Variants in CHM observed in about 807,000 individuals in gnomAD.
CHM encodes the protein CHM Rab escort protein, also known as rab proteins geranylgeranyltransferase component A 1.
Under a neutral mutation model 49.0 loss-of-function variants are expected in CHM, and 10 were observed. That is an observed-to-expected ratio of 0.20 (90% CI 0.13 to 0.35). The LOEUF is 0.35. Ranked by LOEUF, CHM falls within the 10% of genes least tolerant of loss-of-function variation. The pLI is 1.00. For missense variants in CHM, 455 were observed against 478.4 expected, an observed-to-expected ratio of 0.95 and a Z score of 0.46; for synonymous variants, 184 against 167.5, an observed-to-expected ratio of 1.10 and a Z score of -0.76.
intron 1 of CHM, among the ~76,000 whole-genome samples, chrX:86,040,225 C>T (rs900923762): frequency 8.9e-5 from 10 of 112,194 alleles, no homozygotes; most frequent in African/African-American, 2.9e-4. Flanking sequence ...GCAGGCACCA[C>T]CCCCGGAGAT....
intron 1 of CHM, among the ~76,000 whole-genome samples, chrX:86,040,513 G>C (rs1224963434): frequency 1.8e-5 from 2 of 112,295 alleles, no homozygotes; most frequent in African/African-American, 3.2e-5. Flanking sequence ...TCCCATGAAG[G>C]GGTCAGGAAA....
intron 14 of CHM, among the ~76,000 whole-genome samples, chrX:85,869,530 ACT>A (rs1391411556): frequency 3.7e-5 from 4 of 109,022 alleles, no homozygotes; most frequent in Non-Finnish European, 7.6e-5. Context: ...TTGTCACACC[ACT>A]CTTTCTTGTG....
Position 86,047,466 on chromosome X carries a change from G to A in CHM, c.49+18C>T. The A allele has an allele frequency of 8.3e-7, 1 of 1,201,091 alleles. No individual in the cohort carries two copies. Among genetic ancestry groups the A allele is most frequent in the East Asian group, 3.0e-5 (1 of 33,765 alleles). ...AGTCTTCCTAAACTTTGTCCAGGAA[G>A]CACCAGGCTACACATACCCGTCCCT... On this transcript the variant is annotated intron_variant, in intron 1 of 14. Coordinates refer to ENST00000357749, the MANE Select transcript of CHM (RefSeq NM_000390.4).
At position 85,971,798 on chromosome X, in the gene CHM, T is replaced by A. The variant is rs186554094; in HGVS notation, c.314+6969A>T. Among the ~76,000 whole-genome samples, 400 of 110,672 alleles carry A rather than the reference T, an allele frequency of 3.6e-3. 1 individual carries two copies. The highest frequency in any genetic ancestry group is 0.012 in the African/African-American group (353 of 30,361). On this transcript the variant is annotated intron_variant, in intron 4 of 14. Coordinates refer to ENST00000357749, the MANE Select transcript of CHM (RefSeq NM_000390.4). ...GTGCGTTTACAATCCCTGAGCTAGA[T>A]ATAAAGGTTCTCCACATCCCCATCA...
chrX:85,935,253 T>C (rs1011739724), intron 8 of CHM, among the ~76,000 whole-genome samples: 2 of 111,343 alleles, frequency 1.8e-5, no homozygotes, highest in Non-Finnish European at 3.8e-5. Context: ...AGAACTCACT[T>C]ACGACCTCAA....
chrX:85,926,770 T>C (rs753233761), intron 8 of CHM, among the ~76,000 whole-genome samples: 2 of 111,483 alleles, frequency 1.8e-5, no homozygotes, highest in Non-Finnish European at 3.8e-5. Context: ...TCTGGCCTCA[T>C]TTGTAATACT....
At chrX:85,939,162 G>T (rs1435556476) in intron 8 of CHM, among the ~76,000 whole-genome samples, 1 of 111,917 alleles carries the variant, frequency 8.9e-6, no homozygotes. Flanking sequence ...CTAGGTTTGT[G>T]TAAGAACACT....
chrX:85,971,599 C>G (rs1007051562), intron 4 of CHM: 4 of 293,215 alleles, frequency 1.4e-5, no homozygotes, highest in African/African-American at 2.8e-5. Context: ...AAAGACCGAG[C>G]AGCAGCAAGA....
At chrX:86,012,571 A>G (rs187426617) in intron 2 of CHM, among the ~76,000 whole-genome samples, 1 of 111,980 alleles carries the variant, frequency 8.9e-6, no homozygotes, top group Non-Finnish European at 1.9e-5. Flanking sequence ...AGGTCCATAA[A>G]TAGCCCTAAG....
intron 2 of CHM, among the ~76,000 whole-genome samples, chrX:86,002,329 T>G (rs1932757814): frequency 9.4e-6 from 1 of 106,721 alleles, no homozygotes; most frequent in South Asian, 4.0e-4. Flanking sequence ...CAAAATATTT[T>G]CAGTTATTGT....
intron 8 of CHM, among the ~76,000 whole-genome samples, chrX:85,953,413 A>T (rs2147658619): frequency 8.9e-6 from 1 of 111,814 alleles, no homozygotes; most frequent in South Asian, 3.7e-4. Context: ...TCAGAGAAAT[A>T]AAAAAAATCC....
intron 8 of CHM, among the ~76,000 whole-genome samples, chrX:85,918,546 A>G (rs1002191376): frequency 8.9e-6 from 1 of 111,733 alleles, no homozygotes; most frequent in Non-Finnish European, 1.9e-5. Flanking sequence ...AAATCTTCAC[A>G]TATCAATACT....
chrX:85,988,511 G>A (rs1328208842), intron 2 of CHM, among the ~76,000 whole-genome samples: 1 of 111,525 alleles, frequency 9.0e-6, no homozygotes, highest in East Asian at 2.8e-4. Flanking sequence ...AGATCAATTA[G>A]GCAAGAGAAA....
At chrX:86,002,494 G>A (rs745560875) in intron 2 of CHM, among the ~76,000 whole-genome samples, 9 of 112,372 alleles carry the variant, frequency 8.0e-5, no homozygotes, top group Non-Finnish European at 1.7e-4. Flanking sequence ...CAACGCAGAA[G>A]ACAGGTGATT....
At chrX:86,004,440 A>T (rs1377801935) in intron 2 of CHM, among the ~76,000 whole-genome samples, 1 of 112,172 alleles carries the variant, frequency 8.9e-6, no homozygotes, top group Non-Finnish European at 1.9e-5. Flanking sequence ...AATGGGCTAA[A>T]TGCCCCAATT....
At chrX:85,889,880 G>C (rs1925333446) in intron 12 of CHM, among the ~76,000 whole-genome samples, 1 of 111,883 alleles carries the variant, frequency 8.9e-6, no homozygotes, top group African/African-American at 3.3e-5. Flanking sequence ...TAAAATCAAA[G>C]AAAATCATGT....
chrX:85,962,539 T>C lies in CHM; in HGVS notation c.702+1126A>G, dbSNP rs5968755. 9.7e-3 allele frequency among the ~76,000 whole-genome samples: 1,083 copies of C among 112,027 alleles called. 12 individuals are homozygous for C. Among genetic ancestry groups the C allele is most frequent in the African/African-American group, 0.033 (1,011 of 30,859 alleles). On this transcript the variant is annotated intron_variant, in intron 5 of 14. Transcript: ENST00000357749. ...CAGAAACAACTTGTCAAGGGAAATG[T>C]TTTGGTCCCTCTCTGTCCCCTATCA...
intron 1 of CHM, among the ~76,000 whole-genome samples, chrX:86,038,248 A>G (rs1008299718): frequency 3.6e-5 from 4 of 111,716 alleles, no homozygotes; most frequent in Non-Finnish European, 7.5e-5. Flanking sequence ...GCAGAACTCA[A>G]AGTCATTCCT....
In CHM at chrX:85,863,967, CTTTCA is replaced by C. The variant is rs1368758953; in HGVS notation, c.*658_*662del. ...GCCTATCCACACCTTTCCTTCCATT[CTTTCA>C]TTTCTTCATTATTGACCTTTCCCAA... On this transcript the variant is annotated 3_prime_UTR_variant, in exon 15 of 15. Coordinates refer to ENST00000357749, the MANE Select transcript of CHM (RefSeq NM_000390.4). The C allele has an allele frequency of 8.9e-6, 1 of 112,159 alleles. No homozygotes were observed. The highest frequency in any genetic ancestry group is 2.8e-4 in the East Asian group (1 of 3,567). The allele number at this position is 112,159 out of a possible 1,213,427, so 9.2% of individuals were successfully genotyped here.
Sources: allele counts gnomAD v4.1 joint callset (sites outside exome capture counted in the v4.1 genomes callset), GRCh38; gene constraint gnomAD v4.1.1; transcripts MANE v1.5; gene names NCBI Gene and HGNC (gene_info 2026-07-23, HGNC 2026-07-21).